The following B4GALT1 variants were observed in gnomAD, a reference collection of about 807,000 sequenced individuals.
The protein encoded by B4GALT1 is N-acetyllactosamine synthase.
In B4GALT1, 16 loss-of-function variants were observed where a neutral mutation model predicts 34.9. The observed-to-expected ratio is 0.46, with a 90% CI of 0.31 to 0.70. The LOEUF is 0.70. B4GALT1 is among the 30% of genes least tolerant of loss of function. The pLI is 0.05. For missense variants in B4GALT1, 445 were observed against 530.5 expected (o/e 0.84, Z 1.58); for synonymous variants, 221 against 218.1 (o/e 1.01, Z -0.12).
downstream of B4GALT1, among the ~76,000 whole-genome samples, chr9:33,109,570 T>C (rs1839831119): frequency 2.6e-5 from 4 of 152,212 alleles, no homozygotes; most frequent in South Asian, 8.3e-4. Flanking sequence ...TTCTAAGTTG[T>C]GGCGGGAGGA....
chr9:33,179,334 C>T, the B4GALT1 span: 1 of 152,222 alleles, frequency 6.6e-6, no homozygotes, highest in Non-Finnish European at 1.5e-5. Flanking sequence ...GTTTCCTGTT[C>T]TTCCCAACCT....
intron 2 of B4GALT1, among the ~76,000 whole-genome samples, chr9:33,133,403 C>T (rs1244646057): frequency 6.6e-6 from 1 of 152,150 alleles, no homozygotes; most frequent in African/African-American, 2.4e-5. Context: ...ATTAGTCATC[C>T]CTGCTGGCTC....
In B4GALT1 at chr9:33,120,394, C is replaced by A. The variant is rs1254246759; in HGVS notation, c.836+25G>T. The A allele has an allele frequency of 6.2e-6, 10 of 1,611,238 alleles. No homozygotes were observed. In the Admixed American group the frequency reaches 1.5e-4, roughly 24 times the overall value. ...ACACATGAGAGAGACATGTTTACCA[C>A]AGATTCTGACTGAGTATCTCTTACC... On this transcript the variant is annotated intron_variant, in intron 3 of 5. Transcript: ENST00000379731.
intron 3 of B4GALT1, 35 bp downstream of exon 3, chr9:33,120,384 A>T (rs991702112): frequency 1.9e-6 from 3 of 1,609,324 alleles, no homozygotes; most frequent in Non-Finnish European, 1.7e-6. Context: ...TGAGAGAGAC[A>T]TGTTTACCAC....
chr9:33,174,984 AAAAAAAATATAT>A, the B4GALT1 span, among the ~76,000 whole-genome samples: 1 of 14,880 alleles, frequency 6.7e-5, no homozygotes, highest in African/African-American at 1.8e-4. Flanking sequence ...AAAAAAAAAA[AAAAAAAATATAT>A]ATATATATAT....
intron 1 of B4GALT1, among the ~76,000 whole-genome samples, chr9:33,147,334 C>T (rs1840442842): frequency 6.6e-6 from 1 of 151,078 alleles, no homozygotes; most frequent in South Asian, 2.1e-4. Context: ...ACTGCAACCT[C>T]CCCCTCAGGT....
intron 2 of B4GALT1, among the ~76,000 whole-genome samples, chr9:33,123,323 T>C (rs1293046940): frequency 7.0e-6 from 1 of 142,888 alleles, no homozygotes; most frequent in Non-Finnish European, 1.5e-5. Flanking sequence ...AGAAATTGCA[T>C]ATGAAAATTA....
At chr9:33,153,346 C>T (rs765999856) in intron 1 of B4GALT1, among the ~76,000 whole-genome samples, 3 of 151,628 alleles carry the variant, frequency 2.0e-5, no homozygotes, top group Non-Finnish European at 4.4e-5. Flanking sequence ...GCAAACTTAA[C>T]CAAAAGCAAG....
At chr9:33,150,843 C>T (rs1339320969) in intron 1 of B4GALT1, among the ~76,000 whole-genome samples, 1 of 152,054 alleles carries the variant, frequency 6.6e-6, no homozygotes, top group Admixed American at 6.5e-5. Context: ...GAATAGTTGC[C>T]TGTGATATAC....
the B4GALT1 span, among the ~76,000 whole-genome samples, chr9:33,181,263 T>TA: frequency 6.6e-6 from 1 of 151,736 alleles, no homozygotes; most frequent in Non-Finnish European, 1.5e-5. Context: ...CTATTAAAAA[T>TA]AAAAAAAATT....
intron 1 of B4GALT1, among the ~76,000 whole-genome samples, chr9:33,139,478 C>A (rs1040267796): frequency 6.6e-6 from 1 of 152,212 alleles, no homozygotes; most frequent in South Asian, 2.1e-4. Context: ...TTTTTCTCCA[C>A]AACTCTAAGG....
intron 1 of B4GALT1, among the ~76,000 whole-genome samples, chr9:33,149,984 T>C (rs1394289384): frequency 6.6e-6 from 1 of 152,180 alleles, no homozygotes; most frequent in Non-Finnish European, 1.5e-5. Flanking sequence ...TGACAAAGTC[T>C]TCCTAAGGCC....
chr9:33,146,991 A>T (rs997513982), intron 1 of B4GALT1, among the ~76,000 whole-genome samples: 2 of 152,052 alleles, frequency 1.3e-5, no homozygotes, highest in African/African-American at 4.8e-5. Context: ...GAGAGCCACC[A>T]CACCTGGCCC....
At chr9:33,120,294 A>AT in intron 3 of B4GALT1, 125 bp downstream of exon 3, 1 of 1,073,966 alleles carries the variant, frequency 9.3e-7, no homozygotes, top group South Asian at 1.3e-5. Context: ...CAAAGCACCC[A>AT]TTTCTCAGAG....
At chr9:33,127,553 G>A (rs1246198467) in intron 2 of B4GALT1, among the ~76,000 whole-genome samples, 1 of 152,196 alleles carries the variant, frequency 6.6e-6, no homozygotes, top group African/African-American at 2.4e-5. Context: ...GATCCTAAAT[G>A]TGGAACAAAC....
intron 1 of B4GALT1, among the ~76,000 whole-genome samples, chr9:33,149,275 TTTA>T (rs1840474684): frequency 2.0e-5 from 3 of 151,860 alleles, no homozygotes; most frequent in African/African-American, 7.2e-5. Flanking sequence ...AAAAAATTTT[TTTA>T]TTTATTTACT....
chr9:33,135,857 A>G (rs1840261097), intron 1 of B4GALT1, among the ~76,000 whole-genome samples: 4 of 151,434 alleles, frequency 2.6e-5, no homozygotes, highest in Admixed American at 2.6e-4. Flanking sequence ...CAAATGGCTG[A>G]CATCATCTCT....
At chr9:33,108,007 G>A (rs1436344441), downstream of B4GALT1, among the ~76,000 whole-genome samples, 1 of 152,174 alleles carries the variant, frequency 6.6e-6, no homozygotes, top group Non-Finnish European at 1.5e-5. Context: ...CAGCACCTGA[G>A]TGTGTGCATA....
At chr9:33,120,281 A>C (rs2118053851) in intron 3 of B4GALT1, 138 bp downstream of exon 3, 1 of 953,092 alleles carries the variant, frequency 1.0e-6, no homozygotes, top group South Asian at 1.4e-5. Context: ...ATCTCAACTA[A>C]TACAAAGCAC....
Sources: gnomAD v4.1 joint callset for allele counts (sites outside exome capture counted in the v4.1 genomes callset) on GRCh38, gnomAD v4.1.1 for gene constraint, MANE v1.5 for transcripts, NCBI Gene and HGNC (gene_info 2026-07-23, HGNC 2026-07-21) for gene names.